Variants in FOXK2 observed in about 807,000 individuals in gnomAD.
FOXK2 encodes forkhead box K2, also known as forkhead box protein K2.
In FOXK2, 24 loss-of-function variants were observed where a neutral mutation model predicts 53.3. That is an observed-to-expected ratio of 0.45 (90% CI 0.33 to 0.63). FOXK2 has a LOEUF of 0.63. Ranked by LOEUF, FOXK2 falls within the 30% of genes least tolerant of loss-of-function variation. The probability of loss-of-function intolerance (pLI) is 0.03; values close to 1 mark genes in which losing one functional copy is unlikely to be tolerated. For synonymous variants in FOXK2, 505 were observed against 407.1 expected, an observed-to-expected ratio of 1.24 and a Z score of -2.89; for missense variants, 952 against 910.5, an observed-to-expected ratio of 1.05 and a Z score of -0.59.
At position 82,589,920 on chromosome 17, in the gene FOXK2, C is replaced by T. The variant is rs796715340; in HGVS notation, c.1786+2648C>T. ...GATTAGCCGGGTGTGGTGGCACATT[C>T]CTGTAATCCCTGCTACTCTGGACGC... is the stretch of plus-strand genomic sequence containing the variant. On this transcript the variant is annotated intron_variant, in intron 8 of 8. Coordinates refer to ENST00000335255, the MANE Select transcript of FOXK2 (RefSeq NM_004514.4). 1.6e-4 allele frequency among the ~76,000 whole-genome samples: 24 copies of T among 152,256 alleles called. 2 individuals carry two copies. The highest frequency in any genetic ancestry group is 5.5e-4 in the African/African-American group (23 of 41,550).
intron 1 of FOXK2, among the ~76,000 whole-genome samples, chr17:82,555,828 C>T (rs1161205918): frequency 7.6e-6 from 1 of 132,386 alleles, no homozygotes; most frequent in Non-Finnish European, 1.5e-5. Flanking sequence ...GCGGAGCTTG[C>T]AGTGAGCCGA....
chr17:82,593,967 G>A (rs182175935), intron 8 of FOXK2: 1 of 152,332 alleles, frequency 6.6e-6, no homozygotes, highest in Non-Finnish European at 1.5e-5. Flanking sequence ...GCGAGGCCTC[G>A]GGTCGGGGCC....
chr17:82,551,637 C>G (rs1048071468), intron 1 of FOXK2, among the ~76,000 whole-genome samples: 1 of 152,058 alleles, frequency 6.6e-6, no homozygotes, highest in Non-Finnish European at 1.5e-5. Context: ...GCTGAGATCA[C>G]GCCACTGCAT....
At chr17:82,578,337 A>T (rs1192577900) in intron 4 of FOXK2, 5 of 152,270 alleles carry the variant, frequency 3.3e-5, no homozygotes, top group African/African-American at 1.2e-4. Flanking sequence ...TTTTCAGCAG[A>T]CGCTCAATTT....
intron 1 of FOXK2, among the ~76,000 whole-genome samples, chr17:82,559,051 C>A (rs1283536346): frequency 6.6e-6 from 1 of 152,046 alleles, no homozygotes; most frequent in Non-Finnish European, 1.5e-5. Flanking sequence ...GCCTGGCCCA[C>A]GCTGGTTAAT....
chr17:82,569,012 AAAAAAATAAAAT>A (rs1209652809), intron 3 of FOXK2, among the ~76,000 whole-genome samples: 1 of 152,188 alleles, frequency 6.6e-6, no homozygotes, highest in Non-Finnish European at 1.5e-5. Context: ...CTCCTGTTTC[AAAAAAATAAAAT>A]AAAAAATAAA....
intron 6 of FOXK2, among the ~76,000 whole-genome samples, chr17:82,584,970 A>G (rs1399088661): frequency 6.6e-6 from 1 of 152,264 alleles, no homozygotes; most frequent in Non-Finnish European, 1.5e-5. Context: ...AATGTGTCCA[A>G]ACTGTCTGTT....
intron 1 of FOXK2, among the ~76,000 whole-genome samples, chr17:82,524,813 G>A (rs1411292407): frequency 6.6e-6 from 1 of 152,164 alleles, no homozygotes; most frequent in Non-Finnish European, 1.5e-5. Context: ...GCCAGTGGAG[G>A]TTGCCTCCCA....
intron 1 of FOXK2, among the ~76,000 whole-genome samples, chr17:82,522,604 C>G (rs1008485135): frequency 6.6e-6 from 1 of 151,804 alleles, no homozygotes; most frequent in Non-Finnish European, 1.5e-5. Flanking sequence ...ATCTCCTGAC[C>G]TCATGATCTG....
At chr17:82,549,716 G>A (rs975773997) in intron 1 of FOXK2, among the ~76,000 whole-genome samples, 2 of 152,216 alleles carry the variant, frequency 1.3e-5, no homozygotes, top group Non-Finnish European at 2.9e-5. Context: ...CATCACATGC[G>A]TTGTTGGAAC....
chr17:82,590,257 C>T (rs1455055308), intron 8 of FOXK2, among the ~76,000 whole-genome samples: 1 of 152,142 alleles, frequency 6.6e-6, no homozygotes, highest in Non-Finnish European at 1.5e-5. Flanking sequence ...CGGCTACAGC[C>T]TGGATGCTGA....
intron 1 of FOXK2, among the ~76,000 whole-genome samples, chr17:82,562,987 TG>T (rs2044813189): frequency 6.6e-6 from 1 of 151,942 alleles, no homozygotes; most frequent in South Asian, 2.1e-4. Flanking sequence ...TTGTAGTCTT[TG>T]TAGAGGTGGG....
Position 82,520,365 on chromosome 17 carries a change from G to T in FOXK2, c.419+58G>T, listed in dbSNP as rs576588069. On this transcript the variant is annotated intron_variant, in intron 1 of 8. Coordinates refer to ENST00000335255, the MANE Select transcript of FOXK2 (RefSeq NM_004514.4). Reference sequence around the variant, plus strand: ...TGCGGCCTGCAGCGCCTGGCAGGACGGGACGGGACACGCGCCCAGGCCCGG... The same window carrying T: ...TGCGGCCTGCAGCGCCTGGCAGGACTGGACGGGACACGCGCCCAGGCCCGG... 536 of 1,210,102 alleles carry T rather than the reference G, an allele frequency of 4.4e-4. 1 individual carries two copies. The highest frequency in any genetic ancestry group is 3.6e-3 in the African/African-American group (228 of 63,276). The allele number at this position is 1,210,102 out of a possible 1,614,324, so 75.0% of individuals were successfully genotyped here. A position where few individuals can be genotyped will look rare whatever the true frequency, so the allele number is the denominator to read the frequency against.
rs540191393 is a variant in FOXK2, at chr17:82,555,741, A to AAAC, written c.420-7611_420-7610insCAA. Reference sequence around the variant, plus strand: ...CTACTAAAAATACAAAAAAAAAAAAAAATTGGCGTGGGGGCGGGCGCCTGT... The same window carrying AAAC: ...CTACTAAAAATACAAAAAAAAAAAAAAACAATTGGCGTGGGGGCGGGCGCCTGT... On this transcript the variant is annotated intron_variant, in intron 1 of 8. Coordinates refer to ENST00000335255, the MANE Select transcript of FOXK2 (RefSeq NM_004514.4). 1.6e-4 allele frequency among the ~76,000 whole-genome samples: 24 copies of AAAC among 150,756 alleles called. 1 individual carries two copies. The South Asian group carries it at 5.1e-3, about 32-fold the overall frequency.
chr17:82,520,500 C>T (rs566945051), intron 1 of FOXK2, among the ~76,000 whole-genome samples, 193 bp downstream of exon 1: 1 of 151,552 alleles, frequency 6.6e-6, no homozygotes, highest in South Asian at 2.1e-4. Context: ...CCCCCGTCCT[C>T]CCGGTCCCCT....
chr17:82,552,897 G>A (rs1332669011), intron 1 of FOXK2, among the ~76,000 whole-genome samples: 1 of 152,140 alleles, frequency 6.6e-6, no homozygotes, highest in Admixed American at 6.6e-5. Context: ...AGGTCACCCC[G>A]TTACGTAAAA....
chr17:82,582,632 C>T, intron 4 of FOXK2, 109 bp from the exon 5 acceptor site: 1 of 848,084 alleles, frequency 1.2e-6, no homozygotes, highest in South Asian at 1.9e-5. Context: ...TTGCAGTCTG[C>T]CAGGCCCAAC....
intron 8 of FOXK2, among the ~76,000 whole-genome samples, chr17:82,591,776 G>C (rs1047068731): frequency 1.3e-5 from 2 of 152,218 alleles, no homozygotes; most frequent in Admixed American, 6.5e-5. Flanking sequence ...CAGGGCTGCG[G>C]GTGCCGCCGT....
chr17:82,557,491 G>A (rs558388958), intron 1 of FOXK2, among the ~76,000 whole-genome samples: 132 of 151,932 alleles, frequency 8.7e-4, no homozygotes, highest in Non-Finnish European at 1.5e-3. Context: ...TTACATGCGC[G>A]TGCCACCATG....
Sources: gnomAD v4.1 joint callset for allele counts (sites outside exome capture counted in the v4.1 genomes callset) on GRCh38, gnomAD v4.1.1 for gene constraint, MANE v1.5 for transcripts, NCBI Gene and HGNC (gene_info 2026-07-23, HGNC 2026-07-21) for gene names.